Variants in TET1 observed in about 807,000 individuals in gnomAD.
TET1 encodes tet methylcytosine dioxygenase 1.
TET1 carries 13 observed loss-of-function variants against 148.7 expected under a neutral mutation model. That is an observed-to-expected ratio of 0.09 (90% confidence interval 0.06 to 0.14). TET1 has a LOEUF of 0.14. Among genes scored for constraint, TET1 ranks in the 10% least tolerant of loss-of-function variants. The pLI is 1.00. For synonymous variants in TET1, 907 were observed against 937.2 expected (o/e 0.97, Z 0.59); for missense variants, 2,182 against 2,553.8 (o/e 0.85, Z 3.14).
intron 3 of TET1, among the ~76,000 whole-genome samples, chr10:68,604,585 C>A (rs766937942): frequency 4.6e-5 from 7 of 152,160 alleles, no homozygotes; most frequent in Non-Finnish European, 1.0e-4. Context: ...GCCCTGCTCT[C>A]CAGTCTCCTG....
intron 3 of TET1, among the ~76,000 whole-genome samples, chr10:68,640,344 A>G (rs192538713): frequency 7.6e-4 from 111 of 147,002 alleles, no homozygotes; most frequent in African/African-American, 2.8e-3. Flanking sequence ...GCTCACTGCA[A>G]CCTCTGCCCG....
chr10:68,574,297 T>G, intron 2 of TET1, 45 bp downstream of exon 2: 1 of 1,494,758 alleles, frequency 6.7e-7, no homozygotes, highest in Non-Finnish European at 9.1e-7. Context: ...ACACTTGGTA[T>G]AGTGATCTAT....
At chr10:68,672,413 G>T (rs1293433828) in intron 7 of TET1, among the ~76,000 whole-genome samples, 1 of 146,898 alleles carries the variant, frequency 6.8e-6, no homozygotes, top group Admixed American at 7.0e-5. Context: ...GATTGAACTT[G>T]GGAGGCAGAG....
intron 3 of TET1, among the ~76,000 whole-genome samples, chr10:68,643,580 G>A (rs2054793544): frequency 6.6e-6 from 1 of 152,056 alleles, no homozygotes; most frequent in South Asian, 2.1e-4. Flanking sequence ...CAGCACTTTG[G>A]GAGGCTGAGG....
At chr10:68,570,194 T>G (rs1410566948) in intron 1 of TET1, among the ~76,000 whole-genome samples, 4 of 151,956 alleles carry the variant, frequency 2.6e-5, no homozygotes, top group Non-Finnish European at 5.9e-5. Flanking sequence ...AACCTCTGCC[T>G]CCCGGGTTCA....
intron 2 of TET1, among the ~76,000 whole-genome samples, chr10:68,583,592 A>T (rs1194000146): frequency 6.6e-6 from 1 of 152,186 alleles, no homozygotes; most frequent in African/African-American, 2.4e-5. Flanking sequence ...GAAGGCCCTG[A>T]TGTTCTCCTG....
At chr10:68,562,405 C>T (rs1440137238) in intron 1 of TET1, among the ~76,000 whole-genome samples, 2 of 152,030 alleles carry the variant, frequency 1.3e-5, no homozygotes, top group Non-Finnish European at 2.9e-5. Flanking sequence ...AGTTAATAAT[C>T]GAAAGACTTA....
At chr10:68,624,280 TTTTG>T (rs991392309) in intron 3 of TET1, among the ~76,000 whole-genome samples, 1 of 149,750 alleles carries the variant, frequency 6.7e-6, no homozygotes, top group African/African-American at 2.5e-5. Flanking sequence ...TGTGTGTGTT[TTTTG>T]TTTGTTTGTT....
chr10:68,658,640 T>G (rs2055060474), intron 6 of TET1, among the ~76,000 whole-genome samples: 1 of 152,202 alleles, frequency 6.6e-6, no homozygotes, highest in Admixed American at 6.5e-5. Context: ...CACATAATTA[T>G]AGTCTTTGGC....
At chr10:68,595,983 TACACACAC>T (rs773605594) in intron 2 of TET1, among the ~76,000 whole-genome samples, 100 of 50,412 alleles carry the variant, frequency 2.0e-3, no homozygotes, top group African/African-American at 3.3e-3. Flanking sequence ...CACACATATA[TACACACAC>T]ACACACACAC....
chr10:68,661,196 ATTTTTTTTTTTTT>A (rs974912892), intron 6 of TET1, among the ~76,000 whole-genome samples: 1 of 78,630 alleles, frequency 1.3e-5, no homozygotes, highest in African/African-American at 6.3e-5. Context: ...CGCCTGGCTA[ATTTTTTTTTTTTT>A]TTTTTTTTTT....
Position 68,573,884 on chromosome 10 carries a change from C to G in TET1, c.1546C>G (p.Pro516Ala). The G allele has an allele frequency of 3.7e-6, 6 of 1,614,094 alleles. No individual in the cohort carries two copies. The highest frequency in any genetic ancestry group is 5.1e-6 in the Non-Finnish European group (6 of 1,179,996). ...CCTGCCAGCTAACACTCAGGGGTTC[C>G]CATTAGCCCCTGAGAGAGGACTCTT... ...SFLPANTQGF[P>A]LAPERGLFHA... Residue 516 changes from proline (P) to alanine (A), a missense_variant, in exon 2 of 12, where the codon CCA becomes GCA. By Grantham distance (27) the Pro-to-Ala change is conservative. Transcript: ENST00000373644.
rs751784599 is a variant in TET1, at chr10:68,600,970, AT to A, written c.1915-3del. The stretch of plus-strand genomic sequence containing the variant: ...AAACAGAGGCTCATTTTGCAATTTG[AT>A]TTTTTTTAGGTTATAAAGGAAAACA... On this transcript the variant is annotated splice_polypyrimidine_tract_variant and intron_variant, in intron 2 of 11. Transcript: ENST00000373644. 15 of 1,595,988 alleles carry A rather than the reference AT, an allele frequency of 9.4e-6. No homozygotes were observed. The highest frequency in any genetic ancestry group is 4.1e-5 in the African/African-American group (3 of 73,590).
chr10:68,651,278 T>G (rs1459162983), intron 4 of TET1, among the ~76,000 whole-genome samples: 1 of 151,872 alleles, frequency 6.6e-6, no homozygotes, highest in African/African-American at 2.4e-5. Flanking sequence ...TGAAACCCCG[T>G]CTCTACTAAA....
At chr10:68,570,239 G>A (rs530774795) in intron 1 of TET1, among the ~76,000 whole-genome samples, 26 of 152,076 alleles carry the variant, frequency 1.7e-4, no homozygotes, top group African/African-American at 6.0e-4. Flanking sequence ...GGAGTAGCTG[G>A]GATTACAGGC....
In TET1 at chr10:68,644,943, C is replaced by T; in HGVS notation, c.2214C>T (p.Asn738=). 6.2e-7 allele frequency: 1 copy of T among 1,612,676 alleles called. No homozygotes were observed. The highest frequency in any genetic ancestry group is 1.1e-5 in the South Asian group (1 of 90,620). Residue 738 remains asparagine, a synonymous_variant, in exon 4 of 12, where the codon AAC becomes AAT. Transcript: ENST00000373644. ...TCCCAGAAGCTGAAAAATCGAAAAA[C>T]TCTGAAGTTGACAAGAAACGAACCA... ...ANVPEAEKSK[N]SEVDKKRTKS...
chr10:68,603,742 C>T (rs2054087555), intron 3 of TET1, among the ~76,000 whole-genome samples: 1 of 152,178 alleles, frequency 6.6e-6, no homozygotes, highest in African/African-American at 2.4e-5. Flanking sequence ...GCTATATGCA[C>T]TCCAGCCTCA....
chr10:68,591,906 AAAACAAACAAAC>A (rs371466447), intron 2 of TET1, among the ~76,000 whole-genome samples: 1 of 151,512 alleles, frequency 6.6e-6, no homozygotes, highest in Non-Finnish European at 1.5e-5. Context: ...CTCCCTCTCA[AAAACAAACAAAC>A]AAACAAACAA....
At chr10:68,631,433 C>CTTTTTTTTTTTTTTTTTT (rs546257824) in intron 3 of TET1, among the ~76,000 whole-genome samples, 19 of 110,590 alleles carry the variant, frequency 1.7e-4, no homozygotes, top group Non-Finnish European at 2.5e-4. Context: ...TTTCTTTCTT[C>CTTTTTTTTTTTTTTTTTT]TTTTTTTTTT....
Sources: allele counts gnomAD v4.1 joint callset (sites outside exome capture counted in the v4.1 genomes callset), GRCh38; gene constraint gnomAD v4.1.1; transcripts MANE v1.5; gene names NCBI Gene and HGNC (gene_info 2026-07-23, HGNC 2026-07-21).